ZNF317: variants seen among roughly 807,000 people sequenced by gnomAD.
The protein encoded by ZNF317 is zinc finger protein 317.
A neutral mutation model predicts 23.4 loss-of-function variants in ZNF317; 17 were observed. That is an observed-to-expected ratio of 0.73 (90% confidence interval 0.50 to 1.09). ZNF317 has a LOEUF of 1.09. Among genes scored for constraint, ZNF317 ranks in the 50% least tolerant of loss-of-function variants. The pLI is 0.00. For synonymous variants in ZNF317, 317 were observed against 314.9 expected (o/e 1.01, Z -0.07); for missense variants, 679 against 796.7 (o/e 0.85, Z 1.78).
At chr19:9,154,586 T>C (rs1309005345) in intron 1 of ZNF317, among the ~76,000 whole-genome samples, 1 of 152,254 alleles carries the variant, frequency 6.6e-6, no homozygotes, top group Non-Finnish European at 1.5e-5. Flanking sequence ...TATTCCATTC[T>C]GTAAACATTG....
chr19:9,158,840 T>A lies in ZNF317; in HGVS notation c.400T>A (p.Ser134Thr). ...QGACADWETP[S>T]KTKWSLLMED... Reference sequence around the variant, plus strand: ...ATTTGTTTCAGATTGGGAGACTCCATCTAAAACCAAGTGGTCACTTCTTAT... The same window carrying A: ...ATTTGTTTCAGATTGGGAGACTCCAACTAAAACCAAGTGGTCACTTCTTAT... The change falls in exon 6 of 7, where the codon TCT (serine) becomes ACT (threonine). Residue 134 changes from serine (S) to threonine (T), a missense_variant. Ser to Thr is a moderately conservative substitution (Grantham distance 58). Transcript: ENST00000247956. 2 of 1,610,596 alleles carry A rather than the reference T, an allele frequency of 1.2e-6. No individual in the cohort carries two copies. The highest frequency in any genetic ancestry group is 1.7e-6 in the Non-Finnish European group (2 of 1,176,758).
intron 1 of ZNF317, among the ~76,000 whole-genome samples, chr19:9,147,606 G>A (rs1442125900): frequency 6.6e-6 from 1 of 152,138 alleles, no homozygotes; most frequent in African/African-American, 2.4e-5. Context: ...CAAAGTGCTG[G>A]GATTACAGGC....
chr19:9,160,292 A>C lies in ZNF317; in HGVS notation c.647A>C (p.Tyr216Ser). 6.2e-7 allele frequency: 1 copy of C among 1,614,222 alleles called. No individual in the cohort carries two copies. The highest frequency in any genetic ancestry group is 8.5e-7 in the Non-Finnish European group (1 of 1,180,036). ...RPHLTQHMSM[Y>S]DGRKMHECHQ... The stretch of plus-strand genomic sequence containing the variant: ...CACCTCACTCAGCACATGAGCATGT[A>C]CGACGGGAGAAAAATGCATGAATGT... Residue 216 changes from tyrosine to serine, a missense_variant, in exon 7 of 7, where the codon TAC becomes TCC. Coordinates refer to ENST00000247956, the MANE Select transcript of ZNF317 (RefSeq NM_020933.5). This position sits in a 1 kb window ranked among gnomAD's most constrained non-coding sequence, Gnocchi z 6.8.
Position 9,160,265 on chromosome 19 carries a change from C to T in ZNF317, c.620C>T (p.Pro207Leu), listed in dbSNP as rs201764634. Residue 207 changes from proline (P) to leucine (L), a missense_variant, in exon 7 of 7, where the codon CCG becomes CTG. Transcript: ENST00000247956. This position sits in a 1 kb window ranked among gnomAD's most constrained non-coding sequence, Gnocchi z 6.8. ...RDYGVAFKGR[P>L]HLTQHMSMYD... Reference sequence around the variant, plus strand: ...TATGGGGTAGCGTTCAAGGGCAGGCCGCACCTCACTCAGCACATGAGCATG... The same window carrying T: ...TATGGGGTAGCGTTCAAGGGCAGGCTGCACCTCACTCAGCACATGAGCATG... 1.3e-4 allele frequency: 215 copies of T among 1,614,102 alleles called. No individual in the cohort carries two copies. Among genetic ancestry groups the T allele is most frequent in the Non-Finnish European group, 1.6e-4 (193 of 1,180,018 alleles).
intron 1 of ZNF317, among the ~76,000 whole-genome samples, chr19:9,143,380 T>G (rs1387390447): frequency 6.6e-6 from 1 of 152,182 alleles, no homozygotes; most frequent in African/African-American, 2.4e-5. Context: ...TATCATTTTC[T>G]TCCTTTTTGG....
Position 9,161,293 on chromosome 19 carries a change from C to G in ZNF317, c.1648C>G (p.Arg550Gly), listed in dbSNP as rs9305035. The change falls in exon 7 of 7, where the codon CGG becomes GGG. Residue 550 changes from arginine (R) to glycine (G), a missense_variant. Coordinates refer to ENST00000247956, the MANE Select transcript of ZNF317 (RefSeq NM_020933.5). This position sits in a 1 kb window ranked among gnomAD's most constrained non-coding sequence, Gnocchi z 4.0. ...SIGSNLNVHR[R>G]IHTGEKPYEC... ...AGGCTCCAACCTGAATGTGCACAGGCGGATCCACACCGGGGAGAAGCCCTA... is the reference window on the plus strand; with the variant it reads ...AGGCTCCAACCTGAATGTGCACAGGGGGATCCACACCGGGGAGAAGCCCTA... 4 of 1,603,106 alleles carry G rather than the reference C, an allele frequency of 2.5e-6. No homozygotes were observed. Among genetic ancestry groups the G allele is most frequent in the Non-Finnish European group, 3.4e-6 (4 of 1,175,244 alleles).
intron 1 of ZNF317, among the ~76,000 whole-genome samples, chr19:9,147,017 T>C (rs2050689481): frequency 6.6e-6 from 1 of 151,654 alleles, no homozygotes; most frequent in Non-Finnish European, 1.5e-5. Context: ...GGAGCAAGGG[T>C]GAGGTTTGTG....
At chr19:9,157,689 T>A (rs1296606073) in intron 4 of ZNF317, 10 of 501,778 alleles carry the variant, frequency 2.0e-5, no homozygotes, top group East Asian at 1.1e-4. Context: ...TTCTTTTTTT[T>A]TTTTTTTTTT....
At chr19:9,141,558 A>G (rs2050629852) in intron 1 of ZNF317, among the ~76,000 whole-genome samples, 1 of 152,238 alleles carries the variant, frequency 6.6e-6, no homozygotes, top group Non-Finnish European at 1.5e-5. Context: ...TTTGTAATTT[A>G]GAGATTTCTA....
chr19:9,143,162 A>G (rs1049630969), intron 1 of ZNF317, among the ~76,000 whole-genome samples: 27 of 152,156 alleles, frequency 1.8e-4, no homozygotes, highest in Admixed American at 1.3e-3. Context: ...TTTAAATCGT[A>G]TAGTCAGGGT....
At position 9,162,482 on chromosome 19, in the gene ZNF317, A is replaced by T. The variant is rs776121405; in HGVS notation, c.*1049A>T. The T allele has an allele frequency of 1.3e-5, 2 of 152,004 alleles. No individual in the cohort carries two copies. Among genetic ancestry groups the T allele is most frequent in the African/African-American group, 4.8e-5 (2 of 41,368 alleles). 9.4% of individuals were successfully genotyped at this position (152,004 alleles called of 1,614,324 possible). ...CCAGCCATGGTCCCCTCACTTGAGC[A>T]TGTGAATATTCTCACGGAGAGAAGC... On this transcript the variant is annotated 3_prime_UTR_variant, in exon 7 of 7. Coordinates refer to ENST00000247956, the MANE Select transcript of ZNF317 (RefSeq NM_020933.5).
intron 1 of ZNF317, among the ~76,000 whole-genome samples, chr19:9,153,875 G>C (rs1416358042): frequency 2.0e-5 from 3 of 152,164 alleles, no homozygotes; most frequent in Non-Finnish European, 4.4e-5. Context: ...GTGGATGCTG[G>C]GTGTACTGAA....
rs1324862165 is a variant in ZNF317, at chr19:9,160,053, C to T, written c.469-61C>T. On this transcript the variant is annotated intron_variant, in intron 6 of 6. Coordinates refer to ENST00000247956, the MANE Select transcript of ZNF317 (RefSeq NM_020933.5). The surrounding 1 kb of genome is among the most constrained non-coding windows in gnomAD (Gnocchi z 6.8). ...TTCATAGCAGTGTATGTGGGGATGA[C>T]GCTTAGGGTTGCAATGAATATGAGA... 1.9e-5 allele frequency: 31 copies of T among 1,598,646 alleles called. No individual in the cohort carries two copies. In the South Asian group the frequency reaches 2.4e-4, roughly 12 times the overall value.
At chr19:9,145,454 G>A (rs373000092) in intron 1 of ZNF317, among the ~76,000 whole-genome samples, 8 of 152,074 alleles carry the variant, frequency 5.3e-5, no homozygotes, top group African/African-American at 1.2e-4. Flanking sequence ...AGATATTTAC[G>A]GTGTGTTTTA....
chr19:9,157,218 A>C, intron 3 of ZNF317, 50 bp from the exon 4 acceptor site: 1 of 1,598,730 alleles, frequency 6.3e-7, no homozygotes, highest in Non-Finnish European at 8.5e-7. Context: ...CTTACCATGA[A>C]CATCGTTAGG....
At chr19:9,145,190 A>G (rs1056091232) in intron 1 of ZNF317, among the ~76,000 whole-genome samples, 1 of 152,204 alleles carries the variant, frequency 6.6e-6, no homozygotes, top group Non-Finnish European at 1.5e-5. Flanking sequence ...GATTACAGGC[A>G]TGGGCCATGA....
chr19:9,153,492 T>C (rs2050754973), intron 1 of ZNF317, among the ~76,000 whole-genome samples: 1 of 152,198 alleles, frequency 6.6e-6, no homozygotes, highest in Non-Finnish European at 1.5e-5. Context: ...GATGTCTTAC[T>C]GGTGGCTTTT....
rs2050854957 is a variant in ZNF317 at position 9,161,383 on chromosome 19, C to G, written c.1738C>G (p.His580Asp). ...HSSLRSHVKT[H>D]RGEKLFVSSV... ...ATCCCTCAGGAGCCACGTGAAAACT[C>G]ACCGGGGAGAGAAGCTCTTTGTGTC... The change falls in exon 7 of 7, where the codon CAC becomes GAC. Residue 580 changes from histidine (H) to aspartate (D), a missense_variant. His to Asp is a moderately conservative substitution (Grantham distance 81). Coordinates refer to ENST00000247956, the MANE Select transcript of ZNF317 (RefSeq NM_020933.5). The surrounding 1 kb of genome is among the most constrained non-coding windows in gnomAD (Gnocchi z 4.0). The G allele has an allele frequency of 1.9e-6, 3 of 1,614,122 alleles. No homozygotes were observed. Among genetic ancestry groups the G allele is most frequent in the Non-Finnish European group, 2.5e-6 (3 of 1,179,966 alleles).
Position 9,160,003 on chromosome 19 carries a change from A to G in ZNF317, c.469-111A>G, listed in dbSNP as rs2050829091. On this transcript the variant is annotated intron_variant, in intron 6 of 6. Coordinates refer to ENST00000247956, the MANE Select transcript of ZNF317 (RefSeq NM_020933.5). The surrounding 1 kb of genome is among the most constrained non-coding windows in gnomAD (Gnocchi z 6.8). The stretch of plus-strand genomic sequence containing the variant: ...TTGCACGGCAGATGGTTACAGCTCT[A>G]GTCATAGTAATGTGCTTCTATCTGT... The G allele has an allele frequency of 6.7e-7, 1 of 1,482,836 alleles. No homozygotes were observed. The allele number at this position is 1,482,836 out of a possible 1,614,324, so 91.9% of individuals were successfully genotyped here. A position where few individuals can be genotyped will look rare whatever the true frequency, so the allele number is the denominator to read the frequency against.
Sources: gnomAD v4.1 joint callset for allele counts (sites outside exome capture counted in the v4.1 genomes callset) on GRCh38, gnomAD v4.1.1 for gene constraint, Gnocchi (gnomAD v3.1) non-coding constraint, MANE v1.5 for transcripts, NCBI Gene and HGNC (gene_info 2026-07-23, HGNC 2026-07-21) for gene names.